The following TYR variants were observed in gnomAD, a reference collection of about 807,000 sequenced individuals.
TYR encodes LB24-AB.
TYR carries 58 observed loss-of-function variants against 51.5 expected under a neutral mutation model. That is an observed-to-expected ratio of 1.13 (90% CI 0.91 to 1.40). The LOEUF (loss-of-function observed/expected upper bound fraction) is 1.40. TYR is among the 40% of genes most tolerant of loss of function. The pLI is 0.00. For missense variants in TYR, 732 were observed against 647.4 expected (o/e 1.13, Z -1.42); for synonymous variants, 263 against 235.2 (o/e 1.12, Z -1.08).
intron 4 of TYR, chr11:89,294,028 A>ATTT (rs146465537): frequency 1.6e-4 from 29 of 179,606 alleles, no homozygotes; most frequent in Admixed American, 4.3e-4. Flanking sequence ...TCTTTTTGTA[A>ATTT]TTTTTTTTTA....
chr11:89,208,428 A>C (rs1943703062), intron 2 of TYR, among the ~76,000 whole-genome samples: 3 of 152,244 alleles, frequency 2.0e-5, no homozygotes. Context: ...TTCTTGATGC[A>C]TAAACATCAA....
chr11:89,206,187 T>A (rs1482189870), intron 2 of TYR, among the ~76,000 whole-genome samples: 1 of 152,026 alleles, frequency 6.6e-6, no homozygotes, highest in Non-Finnish European at 1.5e-5. Flanking sequence ...ATGTGAATAG[T>A]CTAAAAATAC....
chr11:89,234,902 A>G (rs1169171471), intron 3 of TYR, among the ~76,000 whole-genome samples: 2 of 152,096 alleles, frequency 1.3e-5, no homozygotes, highest in African/African-American at 2.4e-5. Context: ...CATGTTGGAA[A>G]AATGGGAGTA....
rs532836841 is a variant in TYR at position 89,232,890 on chromosome 11, G to C, written c.1184+4920G>C. Reference sequence around the variant, plus strand: ...CAAAGTTTTGCTGGGGGAGGGTCTTGCCTTGATTTTGATGGCTGCTGAATG... The same window carrying C: ...CAAAGTTTTGCTGGGGGAGGGTCTTCCCTTGATTTTGATGGCTGCTGAATG... On this transcript the variant is annotated intron_variant, in intron 3 of 4. Transcript: ENST00000263321. Among the ~76,000 whole-genome samples, 3 of 143,118 alleles carry C rather than the reference G, an allele frequency of 2.1e-5. 1 individual carries two copies. The East Asian group carries it at 6.1e-4, about 29-fold the overall frequency. The allele number at this position is 143,118 out of a possible 152,430, so 93.9% of individuals were successfully genotyped here.
At chr11:89,226,561 A>G (rs537847030) in intron 2 of TYR, among the ~76,000 whole-genome samples, 2 of 152,248 alleles carry the variant, frequency 1.3e-5, no homozygotes, top group South Asian at 4.1e-4. Flanking sequence ...AGGAGGTAAA[A>G]GGAGGAAAAA....
intron 3 of TYR, among the ~76,000 whole-genome samples, chr11:89,254,298 T>C (rs1944363363): frequency 6.6e-6 from 1 of 151,754 alleles, no homozygotes; most frequent in Non-Finnish European, 1.5e-5. Context: ...GTTGTTATTG[T>C]TATGTTCTTT....
chr11:89,182,576 TTC>T (rs1943316257), intron 1 of TYR, among the ~76,000 whole-genome samples: 1 of 152,240 alleles, frequency 6.6e-6, no homozygotes, highest in Non-Finnish European at 1.5e-5. Flanking sequence ...GGTCAGAGTT[TTC>T]TGTTAAATAT....
chr11:89,226,946 T>C (rs756801098), intron 2 of TYR, among the ~76,000 whole-genome samples: 3 of 152,090 alleles, frequency 2.0e-5, no homozygotes, highest in African/African-American at 4.8e-5. Flanking sequence ...ACTAAAAAGT[T>C]ATCTTCCTCT....
Position 89,178,520 on chromosome 11 carries a change from TG to T in TYR, c.572del (p.Gly191AspfsTer35), listed in dbSNP as rs61754361. The T allele has an allele frequency of 1.7e-5, 27 of 1,614,062 alleles. No homozygotes were observed. Among genetic ancestry groups the T allele is most frequent in the Non-Finnish European group, 2.3e-5 (27 of 1,180,024 alleles). On this transcript the variant is annotated frameshift_variant, in exon 1 of 5. Coordinates refer to ENST00000263321, the MANE Select transcript of TYR (RefSeq NM_000372.5). LOFTEE classifies it high-confidence loss of function. ...ATTATGTGTCAATGGATGCACTGCT[TG>T]GGGGATCTGAAATCTGGAGAGACAT... is the stretch of plus-strand genomic sequence containing the variant. Reference protein sequence around the residue: ...HYYVSMDALLGGSEIWRDIDF... With the variant: ...HYYVSMDALLXGSEIWRDIDF...
chr11:89,234,812 C>G (rs1390219170), intron 3 of TYR, among the ~76,000 whole-genome samples: 1 of 152,020 alleles, frequency 6.6e-6, no homozygotes, highest in African/African-American at 2.4e-5. Flanking sequence ...GGTCACAGAT[C>G]AGCATAACAT....
intron 3 of TYR, among the ~76,000 whole-genome samples, chr11:89,263,678 T>G: frequency 6.6e-6 from 1 of 152,186 alleles, no homozygotes; most frequent in Non-Finnish European, 1.5e-5. Context: ...TAAAAATCAG[T>G]TGTATTTCTA....
chr11:89,274,367 G>T (rs986764825), intron 3 of TYR, among the ~76,000 whole-genome samples: 3 of 151,814 alleles, frequency 2.0e-5, no homozygotes, highest in African/African-American at 4.8e-5. Context: ...GAAAAGCAGG[G>T]TCTAGTCTGG....
intron 4 of TYR, among the ~76,000 whole-genome samples, chr11:89,293,246 G>T (rs1437251445): frequency 6.6e-6 from 1 of 151,612 alleles, no homozygotes; most frequent in East Asian, 1.9e-4. Flanking sequence ...CAGTATGATG[G>T]CATCTCAAAA....
chr11:89,197,841 G>C (rs981321498), intron 2 of TYR, among the ~76,000 whole-genome samples: 2 of 152,108 alleles, frequency 1.3e-5, no homozygotes, highest in Admixed American at 6.6e-5. Context: ...TAAGCTATAC[G>C]TCATTTTAAA....
At position 89,178,677 on chromosome 11, in the gene TYR, GA is replaced by G; in HGVS notation, c.728del (p.Lys243SerfsTer76). The G allele has an allele frequency of 6.2e-7, 1 of 1,613,828 alleles. No homozygotes were observed. The highest frequency in any genetic ancestry group is 8.5e-7 in the Non-Finnish European group (1 of 1,179,796). ...TIPYWDWRDA[E>X]KCDICTDEYM... ...TCCATATTGGGACTGGCGGGATGCA[GA>G]AAAGTGTGACATTTGCACAGATGAG... On this transcript the variant is annotated frameshift_variant, in exon 1 of 5. Coordinates refer to ENST00000263321, the MANE Select transcript of TYR (RefSeq NM_000372.5). LOFTEE classifies it high-confidence loss of function.
At chr11:89,216,647 C>CAAAAAAAAAAAAAAAAA (rs11411684) in intron 2 of TYR, among the ~76,000 whole-genome samples, 29 of 80,772 alleles carry the variant, frequency 3.6e-4, no homozygotes, top group South Asian at 4.7e-4. Context: ...TTTTCCATCT[C>CAAAAAAAAAAAAAAAAA]AAAAAAAAAA....
At chr11:89,249,285 T>A (rs1944304137) in intron 3 of TYR, among the ~76,000 whole-genome samples, 1 of 151,848 alleles carries the variant, frequency 6.6e-6, no homozygotes, top group African/African-American at 2.4e-5. Context: ...TTATTTAAAA[T>A]CAATGGAGTG....
chr11:89,215,653 G>A (rs1943823132), intron 2 of TYR, among the ~76,000 whole-genome samples: 1 of 152,076 alleles, frequency 6.6e-6, no homozygotes, highest in African/African-American at 2.4e-5. Context: ...TATAGATTTA[G>A]GGGTACAATC....
At chr11:89,246,877 C>G (rs2135296085) in intron 3 of TYR, among the ~76,000 whole-genome samples, 1 of 152,196 alleles carries the variant, frequency 6.6e-6, no homozygotes, top group South Asian at 2.1e-4. Flanking sequence ...AAGGCTGAAG[C>G]TTGCTCAGAA....
Sources: allele counts gnomAD v4.1 joint callset (sites outside exome capture counted in the v4.1 genomes callset), GRCh38; gene constraint gnomAD v4.1.1; transcripts MANE v1.5; gene names NCBI Gene and HGNC (gene_info 2026-07-23, HGNC 2026-07-21).